The following GLIPR2 variants were observed in gnomAD, a reference collection of about 807,000 sequenced individuals.
GLIPR2 encodes GLI pathogenesis related 2.
A neutral mutation model predicts 20.4 loss-of-function variants in GLIPR2; 21 were observed. That is an observed-to-expected ratio of 1.03 (90% CI 0.73 to 1.48). The LOEUF (loss-of-function observed/expected upper bound fraction) is 1.48, where lower values mean the gene tolerates loss of function less well. GLIPR2 is among the 40% of genes most tolerant of loss of function. The pLI is 0.00. For synonymous variants in GLIPR2, 91 were observed against 80.5 expected (o/e 1.13, Z -0.70); for missense variants, 205 against 200.1 (o/e 1.02, Z -0.15).
intron 4 of GLIPR2, among the ~76,000 whole-genome samples, chr9:36,154,371 A>G (rs1825738385): frequency 6.6e-6 from 1 of 152,140 alleles, no homozygotes; most frequent in South Asian, 2.1e-4. Flanking sequence ...CTGTGCTTAC[A>G]CCAGCATGTG....
At chr9:36,147,952 C>A in intron 2 of GLIPR2, 58 bp downstream of exon 2, 1 of 841,006 alleles carries the variant, frequency 1.2e-6, no homozygotes, top group Non-Finnish European at 2.1e-6. Flanking sequence ...ACTGCAGTCA[C>A]AAAGGGGCCC....
intron 4 of GLIPR2, 69 bp from the exon 5 acceptor site, chr9:36,162,293 C>T: frequency 6.3e-7 from 1 of 1,599,250 alleles, no homozygotes; most frequent in East Asian, 2.2e-5. Flanking sequence ...TCAACAATCC[C>T]CTGCCACATC....
chr9:36,152,322 A>G (rs1825620697), intron 4 of GLIPR2, among the ~76,000 whole-genome samples: 1 of 152,232 alleles, frequency 6.6e-6, no homozygotes, highest in South Asian at 2.1e-4. Context: ...GATGGTGTCC[A>G]GAAGACTTCT....
intron 1 of GLIPR2, chr9:36,144,360 A>G (rs751102293): frequency 6.6e-6 from 1 of 152,252 alleles, no homozygotes; most frequent in African/African-American, 2.4e-5. Flanking sequence ...AGTGTTAAGT[A>G]TATTTACATT....
chr9:36,150,330 G>A (rs560526352), intron 3 of GLIPR2, among the ~76,000 whole-genome samples: 134 of 152,288 alleles, frequency 8.8e-4, no homozygotes, highest in African/African-American at 3.1e-3. Context: ...AGCTCCCAGG[G>A]AAACGCCTGC....
At chr9:36,159,430 T>C (rs1185572546) in intron 4 of GLIPR2, among the ~76,000 whole-genome samples, 1 of 152,206 alleles carries the variant, frequency 6.6e-6, no homozygotes, top group African/African-American at 2.4e-5. Flanking sequence ...ATTCATCAGT[T>C]CCACTCATTC....
rs1348194723 is a variant in GLIPR2 at position 36,163,739 on chromosome 9, AG to A, written c.*1221del. ...TGGCAGCTCCATCTGTCAAGATGGC[AG>A]GGGCCGGAGTGAGGGGGCTGCTGGC... On this transcript the variant is annotated 3_prime_UTR_variant, in exon 5 of 5. Transcript: ENST00000377960. 2 of 152,726 alleles carry A rather than the reference AG, an allele frequency of 1.3e-5. No individual in the cohort carries two copies. The highest frequency in any genetic ancestry group is 4.8e-5 in the African/African-American group (2 of 41,466). 9.5% of individuals were successfully genotyped at this position (152,726 alleles called of 1,614,324 possible). A position where few individuals can be genotyped will look rare whatever the true frequency, so the allele number is the denominator to read the frequency against.
chr9:36,151,166 G>C, intron 4 of GLIPR2: 1 of 571,712 alleles, frequency 1.7e-6, no homozygotes, highest in Non-Finnish European at 3.2e-6. Flanking sequence ...CTCCCTCTGA[G>C]GGCCACCAGC....
In GLIPR2 at chr9:36,136,930, C is replaced by G. The variant is rs889918184; in HGVS notation, c.13+139C>G. ...GCGGGTGGAGGGCGCGCGGGCGGAG[C>G]GCCCCGGCGCGGTTTCCGGGGAACC... On this transcript the variant is annotated intron_variant, in intron 1 of 4. Coordinates refer to ENST00000377960, the MANE Select transcript of GLIPR2 (RefSeq NM_022343.4). This position sits in a 1 kb window ranked among gnomAD's most constrained non-coding sequence, Gnocchi z 4.3. The G allele has an allele frequency of 9.7e-7, 1 of 1,031,872 alleles. No individual in the cohort carries two copies. Among genetic ancestry groups the G allele is most frequent in the Admixed American group, 4.3e-5 (1 of 23,248 alleles). 63.9% of individuals were successfully genotyped at this position (1,031,872 alleles called of 1,614,324 possible). A position where few individuals can be genotyped will look rare whatever the true frequency, so the allele number is the denominator to read the frequency against.
intron 1 of GLIPR2, among the ~76,000 whole-genome samples, chr9:36,140,170 C>T (rs1825010923): frequency 2.0e-5 from 3 of 152,164 alleles, no homozygotes; most frequent in South Asian, 2.1e-4. Context: ...ACACCCTGCT[C>T]CCTGCCAGCC....
At position 36,162,341 on chromosome 9, in the gene GLIPR2, C is replaced by T. The variant is rs760246021; in HGVS notation, c.305-21C>T. ...CTGCTAATTCAGCCGTGTCCCTCTC[C>T]CTCTGCCCGTTCCCCTACAGGACAC... On this transcript the variant is annotated intron_variant, in intron 4 of 4. Coordinates refer to ENST00000377960, the MANE Select transcript of GLIPR2 (RefSeq NM_022343.4). The T allele has an allele frequency of 8.1e-6, 13 of 1,605,160 alleles. No individual in the cohort carries two copies. The East Asian group carries it at 2.5e-4, about 30-fold the overall frequency.
intron 1 of GLIPR2, among the ~76,000 whole-genome samples, chr9:36,145,344 A>G (rs80254280): frequency 0.015 from 2,298 of 152,268 alleles, 61 homozygotes; most frequent in African/African-American, 0.052. Context: ...TGTTAGGTTA[A>G]TCTCCAAGTT....
At chr9:36,147,637 A>G (rs760185864) in intron 1 of GLIPR2, 149 bp from the exon 2 acceptor site, 11 of 663,106 alleles carry the variant, frequency 1.7e-5, no homozygotes, top group Admixed American at 3.8e-5. Flanking sequence ...GAGCAGGGCC[A>G]CTTGGCTGGG....
intron 4 of GLIPR2, chr9:36,151,181 G>A (rs1825568681): frequency 1.8e-6 from 1 of 561,890 alleles, no homozygotes; most frequent in African/African-American, 1.9e-5. Context: ...ACCAGCTGGT[G>A]AATCCTGCCC....
chr9:36,140,982 A>T (rs944503939), intron 1 of GLIPR2, among the ~76,000 whole-genome samples: 1 of 152,200 alleles, frequency 6.6e-6, no homozygotes, highest in Non-Finnish European at 1.5e-5. Flanking sequence ...ACGTCAATGT[A>T]AAGGCAGGGC....
At chr9:36,152,592 A>C (rs1177346257) in intron 4 of GLIPR2, among the ~76,000 whole-genome samples, 1 of 150,424 alleles carries the variant, frequency 6.6e-6, no homozygotes, top group Non-Finnish European at 1.5e-5. Flanking sequence ...TCTACTAAAA[A>C]TACAAAAATT....
intron 4 of GLIPR2, among the ~76,000 whole-genome samples, chr9:36,151,380 C>T (rs912519090): frequency 6.6e-6 from 1 of 152,206 alleles, no homozygotes; most frequent in Non-Finnish European, 1.5e-5. Flanking sequence ...GATCCAACTG[C>T]CATGGCTCCC....
intron 1 of GLIPR2, among the ~76,000 whole-genome samples, chr9:36,137,151 G>A (rs754914545): frequency 6.6e-6 from 1 of 152,150 alleles, no homozygotes; most frequent in Admixed American, 6.5e-5. Flanking sequence ...AGTTTGCCCC[G>A]CTCGGCTGTC....
At chr9:36,157,638 C>G (rs141096714) in intron 4 of GLIPR2, among the ~76,000 whole-genome samples, 1 of 151,874 alleles carries the variant, frequency 6.6e-6, no homozygotes, top group African/African-American at 2.4e-5. Context: ...TGAGCCACTA[C>G]GCCCGGCCTC....
Sources: allele counts gnomAD v4.1 joint callset (sites outside exome capture counted in the v4.1 genomes callset), GRCh38; gene constraint gnomAD v4.1.1; non-coding constraint Gnocchi (gnomAD v3.1); transcripts MANE v1.5; gene names NCBI Gene and HGNC (gene_info 2026-07-23, HGNC 2026-07-21).